Variants in WWOX observed in about 807,000 individuals in gnomAD.
WWOX encodes the protein WW domain containing oxidoreductase.
Under a neutral mutation model 46.2 loss-of-function variants are expected in WWOX, and 69 were observed. The observed-to-expected ratio is 1.49, with a 90% CI of 1.23 to 1.82. The LOEUF is 1.82. Among genes scored for constraint, WWOX ranks in the 40% most tolerant of loss-of-function variants. The pLI is 0.00. For synonymous variants in WWOX, 359 were observed against 202.6 expected (o/e 1.77, Z -6.56); for missense variants, 919 against 542.6 (o/e 1.69, Z -6.89).
At chr16:78,252,517 A>G (rs1265343023) in intron 5 of WWOX, among the ~76,000 whole-genome samples, 1 of 152,222 alleles carries the variant, frequency 6.6e-6, no homozygotes, top group East Asian at 1.9e-4. Flanking sequence ...AAACAAGTAC[A>G]CTAGCAAACA....
At chr16:78,621,097 C>T (rs2046169486) in intron 8 of WWOX, among the ~76,000 whole-genome samples, 1 of 152,128 alleles carries the variant, frequency 6.6e-6, no homozygotes, top group Non-Finnish European at 1.5e-5. Context: ...CCTTGGTCCA[C>T]AGTTTATCTT....
At chr16:78,192,509 AAAG>A (rs2035915664) in intron 5 of WWOX, among the ~76,000 whole-genome samples, 1 of 151,672 alleles carries the variant, frequency 6.6e-6, no homozygotes, top group South Asian at 2.1e-4. Context: ...AAAAAAAAAA[AAAG>A]AAAGAAAACA....
At chr16:78,220,272 A>G (rs1018176702) in intron 5 of WWOX, among the ~76,000 whole-genome samples, 3 of 152,140 alleles carry the variant, frequency 2.0e-5, no homozygotes, top group African/African-American at 4.8e-5. Flanking sequence ...TATGTGATGG[A>G]TACTTCTATT....
intron 4 of WWOX, among the ~76,000 whole-genome samples, chr16:78,160,726 G>A (rs2034766606): frequency 6.6e-6 from 1 of 152,082 alleles, no homozygotes; most frequent in African/African-American, 2.4e-5. Context: ...ATCAGTTTTG[G>A]TAAGTATTCT....
intron 8 of WWOX, among the ~76,000 whole-genome samples, chr16:79,092,655 G>A (rs1597368427): frequency 6.6e-6 from 1 of 152,196 alleles, no homozygotes; most frequent in Non-Finnish European, 1.5e-5. Context: ...CGTTGGCGAG[G>A]AGTGAATTGT....
At chr16:78,778,312 G>A (rs2050242460) in intron 8 of WWOX, among the ~76,000 whole-genome samples, 1 of 152,182 alleles carries the variant, frequency 6.6e-6, no homozygotes, top group African/African-American at 2.4e-5. Flanking sequence ...GCCGCCAGCA[G>A]TCCACGCTTG....
chr16:78,755,576 G>C (rs1280847879), intron 8 of WWOX, among the ~76,000 whole-genome samples: 1 of 152,128 alleles, frequency 6.6e-6, no homozygotes, highest in African/African-American at 2.4e-5. Context: ...AAATAGCCCT[G>C]CCCGAAGCCT....
At chr16:78,358,866 C>CTTTTTTTTTTTT (rs57364873) in intron 5 of WWOX, among the ~76,000 whole-genome samples, 1 of 120,964 alleles carries the variant, frequency 8.3e-6, no homozygotes, top group Non-Finnish European at 1.7e-5. Flanking sequence ...ACACTGTGGT[C>CTTTTTTTTTTTT]TTTTTTTTTT....
chr16:78,246,703 A>G (rs117281011), intron 5 of WWOX, among the ~76,000 whole-genome samples: 8,660 of 152,142 alleles, frequency 0.057, 324 homozygotes, highest in South Asian at 0.13. Flanking sequence ...AATATTTTCA[A>G]CTTCCTCTTC....
At position 78,680,237 on chromosome 16, in the gene WWOX, C is replaced by T. The variant is rs893608230; in HGVS notation, c.1056+247485C>T. Among the ~76,000 whole-genome samples, 23 of 152,008 alleles carry T rather than the reference C, an allele frequency of 1.5e-4. No individual in the cohort carries two copies. In the Middle Eastern group the frequency reaches 0.01, roughly 67 times the overall value. On this transcript the variant is annotated intron_variant, in intron 8 of 8. Coordinates refer to ENST00000566780, the MANE Select transcript of WWOX (RefSeq NM_016373.4). ...CCAGCCTGAGCAGCATAACGAGACCCGTCTCTGCAGAAAATACAAAAATTA... is the reference window on the plus strand; with the variant it reads ...CCAGCCTGAGCAGCATAACGAGACCTGTCTCTGCAGAAAATACAAAAATTA...
At chr16:78,532,855 A>G (rs986219168) in intron 8 of WWOX, among the ~76,000 whole-genome samples, 3 of 152,206 alleles carry the variant, frequency 2.0e-5, no homozygotes, top group Non-Finnish European at 4.4e-5. Flanking sequence ...TGGGAATTCA[A>G]GAAGAGATTT....
intron 8 of WWOX, among the ~76,000 whole-genome samples, chr16:78,743,078 C>T (rs192435802): frequency 2.6e-5 from 4 of 152,046 alleles, no homozygotes; most frequent in African/African-American, 9.7e-5. Context: ...TGAACCCGAT[C>T]AGCCCCCGAA....
intron 5 of WWOX, among the ~76,000 whole-genome samples, chr16:78,363,615 T>A (rs758490921): frequency 1.1e-4 from 17 of 152,264 alleles, no homozygotes; most frequent in Admixed American, 4.6e-4. Context: ...GAAATCCACA[T>A]CTGAGAGTCC....
At chr16:78,418,144 A>G (rs553544647) in intron 6 of WWOX, among the ~76,000 whole-genome samples, 1 of 151,796 alleles carries the variant, frequency 6.6e-6, no homozygotes, top group Non-Finnish European at 1.5e-5. Context: ...GTGGATCACG[A>G]GGTCAGGAGG....
At chr16:78,684,824 T>C (rs569039108) in intron 8 of WWOX, among the ~76,000 whole-genome samples, 80 of 152,312 alleles carry the variant, frequency 5.3e-4, no homozygotes, top group East Asian at 2.9e-3. Context: ...GAAGCAGTTA[T>C]AGCTTCAGAA....
At chr16:78,523,703 A>T (rs1390332035) in intron 8 of WWOX, among the ~76,000 whole-genome samples, 1 of 152,212 alleles carries the variant, frequency 6.6e-6, no homozygotes, top group Non-Finnish European at 1.5e-5. Context: ...CATCACAGTC[A>T]TGCTTCCCTG....
chr16:78,744,233 A>C (rs2049295237), intron 8 of WWOX, among the ~76,000 whole-genome samples: 1 of 152,112 alleles, frequency 6.6e-6, no homozygotes, highest in Admixed American at 6.6e-5. Flanking sequence ...GACAGGGCTT[A>C]AGGAAGGATA....
At chr16:78,705,500 C>G (rs1432240231) in intron 8 of WWOX, among the ~76,000 whole-genome samples, 1 of 152,166 alleles carries the variant, frequency 6.6e-6, no homozygotes, top group East Asian at 1.9e-4. Context: ...AATCAAACCT[C>G]CCTTCGCCTC....
intron 5 of WWOX, among the ~76,000 whole-genome samples, chr16:78,367,073 A>C (rs553261913): frequency 7.2e-6 from 1 of 139,804 alleles, no homozygotes; most frequent in Admixed American, 8.1e-5. Flanking sequence ...TCTGCCTCCC[A>C]GGTTTACGCC....
Sources: gnomAD v4.1 joint callset for allele counts (sites outside exome capture counted in the v4.1 genomes callset) on GRCh38, gnomAD v4.1.1 for gene constraint, MANE v1.5 for transcripts, NCBI Gene and HGNC (gene_info 2026-07-23, HGNC 2026-07-21) for gene names.